The following ARHGEF28 variants were observed in gnomAD, a reference collection of about 807,000 sequenced individuals.
ARHGEF28 encodes Rho guanine nucleotide exchange factor 28.
Under a neutral mutation model 206.6 loss-of-function variants are expected in ARHGEF28, and 152 were observed. The observed-to-expected ratio is 0.74, with a 90% CI of 0.64 to 0.84. The LOEUF (loss-of-function observed/expected upper bound fraction) is 0.84, where lower values mean the gene tolerates loss of function less well. Among genes scored for constraint, ARHGEF28 ranks in the 40% least tolerant of loss-of-function variants. ARHGEF28 has a pLI of 0.00. For missense variants in ARHGEF28, 2,028 were observed against 2,073.2 expected (o/e 0.98, Z 0.42); for synonymous variants, 763 against 776.4 (o/e 0.98, Z 0.29).
chr5:73,690,564 G>T lies in ARHGEF28; in HGVS notation c.33+5680G>T, dbSNP rs566156822. On this transcript the variant is annotated intron_variant, in intron 2 of 35. Coordinates refer to ENST00000513042, the MANE Select transcript of ARHGEF28 (RefSeq NM_001177693.2). The stretch of plus-strand genomic sequence containing the variant: ...AAAAAAAAAAAAAGCCACGTGTGGT[G>T]GCTCAAGCCTATAGTCCCAGCTACT... 9.9e-4 allele frequency among the ~76,000 whole-genome samples: 148 copies of T among 149,214 alleles called. 2 individuals carry two copies. Among genetic ancestry groups the T allele is most frequent in the Non-Finnish European group, 1.9e-4 (13 of 67,594 alleles).
chr5:73,789,450 G>T (rs912165183), intron 7 of ARHGEF28, among the ~76,000 whole-genome samples: 1 of 152,078 alleles, frequency 6.6e-6, no homozygotes, highest in Non-Finnish European at 1.5e-5. Flanking sequence ...TGCGTGTGGG[G>T]TTTTCTCATT....
chr5:73,911,692 T>C lies in ARHGEF28; in HGVS notation c.4948+117T>C, dbSNP rs72774406. 0.071 allele frequency: 77,247 copies of C among 1,095,170 alleles called. 3,311 individuals are homozygous for C. The highest frequency in any genetic ancestry group is 0.082 in the Non-Finnish European group (64,568 of 784,592). 67.8% of individuals were successfully genotyped at this position (1,095,170 alleles called of 1,614,324 possible). On this transcript the variant is annotated intron_variant, in intron 35 of 35. Transcript: ENST00000513042. ...CCCTAGCATGGGAATAAATCGGTAC[T>C]GATGAGCTGGAGTTTGTGGCATTCA...
intron 18 of ARHGEF28, among the ~76,000 whole-genome samples, chr5:73,866,457 G>A (rs182835310): frequency 2.2e-4 from 34 of 152,250 alleles, no homozygotes; most frequent in African/African-American, 7.9e-4. Context: ...CTTAAGAATC[G>A]CCATGTTTGA....
Position 73,894,845 on chromosome 5 carries a change from G to GGGAA in ARHGEF28, c.3841+273_3841+276dup, listed in dbSNP as rs149728941. Reference sequence around the variant, plus strand: ...CGCTCTGTTTTAGATAGGGTGGCCAGGGAAGGCCTCTTTGATATAATGATA... The same window carrying GGGAA: ...CGCTCTGTTTTAGATAGGGTGGCCAGGGAAGGAAGGCCTCTTTGATATAATGATA... On this transcript the variant is annotated intron_variant, in intron 29 of 35. Transcript: ENST00000513042. 7.4e-3 allele frequency among the ~76,000 whole-genome samples: 1,120 copies of GGGAA among 152,322 alleles called. 15 individuals carry two copies. Among genetic ancestry groups the GGGAA allele is most frequent in the African/African-American group, 0.026 (1,061 of 41,564 alleles).
intron 10 of ARHGEF28, among the ~76,000 whole-genome samples, chr5:73,835,509 T>G (rs1488245145): frequency 6.6e-6 from 1 of 150,810 alleles, no homozygotes; most frequent in African/African-American, 2.4e-5. Context: ...GTTCAAGAGA[T>G]TCTGGATAGC....
chr5:73,939,621 C>G (rs1156921412), intron 35 of ARHGEF28, among the ~76,000 whole-genome samples: 1 of 152,194 alleles, frequency 6.6e-6, no homozygotes, highest in Non-Finnish European at 1.5e-5. Context: ...TGACCCACCT[C>G]CTACTGGAAG....
chr5:73,717,275 T>A (rs1438016519), intron 2 of ARHGEF28, among the ~76,000 whole-genome samples: 1 of 152,140 alleles, frequency 6.6e-6, no homozygotes, highest in Non-Finnish European at 1.5e-5. Context: ...GCCTGAGGCC[T>A]ATTTGCCCCC....
intron 17 of ARHGEF28, 31 bp from the exon 18 acceptor site, chr5:73,865,934 T>A (rs765774923): frequency 1.4e-6 from 2 of 1,476,214 alleles, no homozygotes; most frequent in Non-Finnish European, 1.9e-6. Flanking sequence ...ACTTTGATCT[T>A]ACTTTATGTG....
At chr5:73,930,562 C>T (rs1764053805) in intron 35 of ARHGEF28, among the ~76,000 whole-genome samples, 1 of 152,156 alleles carries the variant, frequency 6.6e-6, no homozygotes, top group South Asian at 2.1e-4. Context: ...CACGTGAACA[C>T]TTTAAGATTC....
At chr5:73,937,473 A>G (rs1764485910) in intron 35 of ARHGEF28, among the ~76,000 whole-genome samples, 1 of 152,218 alleles carries the variant, frequency 6.6e-6, no homozygotes, top group African/African-American at 2.4e-5. Context: ...TTTAGTTTCC[A>G]GAGATAATGT....
At chr5:73,789,920 C>A (rs1294326421) in intron 7 of ARHGEF28, among the ~76,000 whole-genome samples, 2 of 152,116 alleles carry the variant, frequency 1.3e-5, no homozygotes, top group East Asian at 1.9e-4. Flanking sequence ...CTTTACTACC[C>A]TGGTCTGAAA....
chr5:73,842,911 CG>C (rs1561449040), intron 11 of ARHGEF28, among the ~76,000 whole-genome samples: 1 of 151,024 alleles, frequency 6.6e-6, no homozygotes, highest in East Asian at 2.0e-4. Context: ...TGCCTGAATC[CG>C]GGAGGCACAG....
chr5:73,868,316 T>G, intron 20 of ARHGEF28, 89 bp downstream of exon 20: 4 of 1,410,930 alleles, frequency 2.8e-6, no homozygotes, highest in Non-Finnish European at 3.7e-6. Context: ...TTGAAGCATT[T>G]TTTTTTTCTT....
intron 9 of ARHGEF28, among the ~76,000 whole-genome samples, chr5:73,795,702 T>G (rs1010000661): frequency 6.6e-6 from 1 of 152,154 alleles, no homozygotes; most frequent in Non-Finnish European, 1.5e-5. Context: ...GCACTACCAG[T>G]CTCAGGTTCA....
intron 10 of ARHGEF28, among the ~76,000 whole-genome samples, chr5:73,832,949 A>G (rs1342316823): frequency 2.0e-5 from 3 of 152,232 alleles, no homozygotes; most frequent in Admixed American, 2.0e-4. Context: ...TAGAGCTTTC[A>G]TATTAATACA....
chr5:73,741,196 G>A (rs377563749), intron 2 of ARHGEF28, among the ~76,000 whole-genome samples: 2 of 151,898 alleles, frequency 1.3e-5, no homozygotes, highest in Admixed American at 1.3e-4. Context: ...TTCTGGTCTT[G>A]TGAGGAATCT....
At chr5:73,904,965 A>C (rs961373077) in intron 33 of ARHGEF28, 2 of 152,448 alleles carry the variant, frequency 1.3e-5, no homozygotes, top group African/African-American at 4.8e-5. Context: ...CTGCCTTTCA[A>C]GGAAGAGCAG....
At chr5:73,700,857 A>T (rs1748555843) in intron 2 of ARHGEF28, among the ~76,000 whole-genome samples, 1 of 152,252 alleles carries the variant, frequency 6.6e-6, no homozygotes, top group African/African-American at 2.4e-5. Flanking sequence ...GGAATAGTGC[A>T]TATTTTCGTA....
intron 35 of ARHGEF28, among the ~76,000 whole-genome samples, chr5:73,916,189 GGAT>G (rs1354699076): frequency 6.6e-6 from 1 of 152,040 alleles, no homozygotes; most frequent in African/African-American, 2.4e-5. Flanking sequence ...AGAAGTGAGA[GGAT>G]GATAATTTCT....
Sources: allele counts gnomAD v4.1 joint callset (sites outside exome capture counted in the v4.1 genomes callset), GRCh38; gene constraint gnomAD v4.1.1; transcripts MANE v1.5; gene names NCBI Gene and HGNC (gene_info 2026-07-23, HGNC 2026-07-21).